Variants in CAMKMT observed in about 807,000 individuals in gnomAD.
CAMKMT encodes CaM KMT.
Under a neutral mutation model 48.0 loss-of-function variants are expected in CAMKMT, and 53 were observed. The ratio of observed to expected loss-of-function variants is 1.10; its 90% CI spans 0.89 to 1.39. The LOEUF is 1.39. Ranked by LOEUF, CAMKMT falls within the 40% of genes most tolerant of loss-of-function variation. The pLI, the probability that CAMKMT is intolerant of heterozygous loss-of-function variation, is 0.00. For missense variants in CAMKMT, 428 were observed against 402.7 expected, an observed-to-expected ratio of 1.06 and a Z score of -0.54; for synonymous variants, 165 against 152.3, an observed-to-expected ratio of 1.08 and a Z score of -0.61.
At chr2:44,610,142 A>T (rs2103892205) in intron 3 of CAMKMT, among the ~76,000 whole-genome samples, 1 of 152,320 alleles carries the variant, frequency 6.6e-6, no homozygotes, top group South Asian at 2.1e-4. Context: ...AAATGTGTTC[A>T]TTGAGAAGAG....
chr2:44,698,626 G>T (rs954476348), intron 3 of CAMKMT, among the ~76,000 whole-genome samples: 2 of 152,160 alleles, frequency 1.3e-5, no homozygotes, highest in African/African-American at 2.4e-5. Flanking sequence ...TCATCTTTTT[G>T]CTGGCAGAGG....
intron 3 of CAMKMT, among the ~76,000 whole-genome samples, chr2:44,686,006 A>C (rs776581359): frequency 1.3e-5 from 2 of 152,172 alleles, no homozygotes; most frequent in African/African-American, 2.4e-5. Flanking sequence ...AAGGCAATAT[A>C]TGATAGATGA....
chr2:44,485,404 A>G (rs1356136724), intron 3 of CAMKMT, among the ~76,000 whole-genome samples: 2 of 152,248 alleles, frequency 1.3e-5, no homozygotes, highest in Admixed American at 6.5e-5. Flanking sequence ...ATGCTGTACA[A>G]ATCTCACAAA....
intron 3 of CAMKMT, chr2:44,631,544 T>A (rs1231591430): frequency 3.3e-6 from 2 of 608,216 alleles, no homozygotes; most frequent in Non-Finnish European, 5.9e-6. Flanking sequence ...ACTCAAGCAA[T>A]CCTTCTGCCT....
chr2:44,649,834 C>T (rs1376886287), intron 3 of CAMKMT, among the ~76,000 whole-genome samples: 3 of 152,154 alleles, frequency 2.0e-5, no homozygotes, highest in Non-Finnish European at 4.4e-5. Flanking sequence ...AAGGCCTTCT[C>T]CCTGTGAAGC....
intron 3 of CAMKMT, among the ~76,000 whole-genome samples, chr2:44,568,066 G>A (rs1261018784): frequency 6.6e-6 from 1 of 151,920 alleles, no homozygotes; most frequent in Non-Finnish European, 1.5e-5. Context: ...CCAGGGTGGG[G>A]GTGGGTGATC....
intron 2 of CAMKMT, among the ~76,000 whole-genome samples, chr2:44,386,445 A>G (rs1453656546): frequency 1.3e-5 from 2 of 151,992 alleles, no homozygotes; most frequent in African/African-American, 4.8e-5. Flanking sequence ...AATTTTATTT[A>G]TCTTTTCAAA....
intron 7 of CAMKMT, among the ~76,000 whole-genome samples, chr2:44,725,143 C>CGTGTGT (rs4039394): frequency 0.13 from 18,425 of 140,504 alleles, 1,403 homozygotes; most frequent in African/African-American, 0.18. Context: ...GCTTTCTGGA[C>CGTGTGT]GTGTGTGTGT....
chr2:44,487,266 C>G (rs1248068081), intron 3 of CAMKMT, among the ~76,000 whole-genome samples: 1 of 149,230 alleles, frequency 6.7e-6, no homozygotes, highest in East Asian at 2.0e-4. Context: ...TTTTTTTTTT[C>G]TGATAACATA....
At chr2:44,471,601 G>A (rs572797109) in intron 3 of CAMKMT, among the ~76,000 whole-genome samples, 6 of 151,806 alleles carry the variant, frequency 4.0e-5, no homozygotes, top group African/African-American at 1.4e-4. Flanking sequence ...CCCTGTCTCA[G>A]AAAAAAAATT....
At chr2:44,566,509 A>G (rs1270542630) in intron 3 of CAMKMT, among the ~76,000 whole-genome samples, 1 of 152,148 alleles carries the variant, frequency 6.6e-6, no homozygotes, top group Non-Finnish European at 1.5e-5. Flanking sequence ...TATGTGAACT[A>G]TTGTTTGACT....
intron 3 of CAMKMT, among the ~76,000 whole-genome samples, chr2:44,525,117 A>G (rs1187509887): frequency 6.6e-6 from 1 of 152,212 alleles, no homozygotes; most frequent in East Asian, 1.9e-4. Context: ...GAAATTTTTC[A>G]GGCATTTATA....
intron 3 of CAMKMT, among the ~76,000 whole-genome samples, chr2:44,619,859 A>T (rs1218288336): frequency 6.6e-6 from 1 of 152,224 alleles, no homozygotes; most frequent in Admixed American, 6.6e-5. Flanking sequence ...ATATTTCAAC[A>T]TTAGACTCAT....
chr2:44,766,713 G>A (rs1427045756), intron 10 of CAMKMT, 152 bp downstream of exon 10: 1 of 810,104 alleles, frequency 1.2e-6, no homozygotes, highest in Admixed American at 3.1e-5. Flanking sequence ...TATTTTGTGT[G>A]GTAAAGCCAT....
intron 3 of CAMKMT, among the ~76,000 whole-genome samples, chr2:44,497,007 G>T (rs745675911): frequency 6.6e-5 from 10 of 152,068 alleles, no homozygotes; most frequent in Non-Finnish European, 1.3e-4. Context: ...GACATTTAGG[G>T]GTTTTTAAAT....
intron 3 of CAMKMT, among the ~76,000 whole-genome samples, chr2:44,691,764 G>T (rs12478807): frequency 6.6e-6 from 1 of 152,030 alleles, no homozygotes; most frequent in Non-Finnish European, 1.5e-5. Context: ...GCATGACTGG[G>T]GAGAAGGTTT....
chr2:44,731,166 C>T lies in CAMKMT; in HGVS notation c.624-12456C>T, dbSNP rs1679059465. ...GACCAGCCTGGCCAACATGGCGAAA[C>T]CCCGTCTCTACTATAAGTACAAAAA... On this transcript the variant is annotated intron_variant, in intron 7 of 10. Transcript: ENST00000378494. 2.6e-5 allele frequency among the ~76,000 whole-genome samples: 4 copies of T among 152,272 alleles called. No homozygotes were observed. In the South Asian group the frequency reaches 6.2e-4, roughly 24 times the overall value.
At chr2:44,753,897 C>T (rs1306501088) in intron 8 of CAMKMT, among the ~76,000 whole-genome samples, 158 bp from the exon 9 acceptor site, 1 of 152,230 alleles carries the variant, frequency 6.6e-6, no homozygotes, top group Non-Finnish European at 1.5e-5. Context: ...ATCTTCTCCC[C>T]TCCCACCCCC....
At position 44,474,916 on chromosome 2, in the gene CAMKMT, G is replaced by A. The variant is rs148403036; in HGVS notation, c.376+84611G>A. Among the ~76,000 whole-genome samples, 212 of 152,278 alleles carry A rather than the reference G, an allele frequency of 1.4e-3. 2 individuals are homozygous for A. Among genetic ancestry groups the A allele is most frequent in the African/African-American group, 4.7e-3 (196 of 41,540 alleles). The stretch of plus-strand genomic sequence containing the variant: ...TATTCAGTGCCTGGTATGTAGAACT[G>A]AGTAATATTTATGACATTCATCGTG... On this transcript the variant is annotated intron_variant, in intron 3 of 10. Coordinates refer to ENST00000378494, the MANE Select transcript of CAMKMT (RefSeq NM_024766.5).
Sources: allele counts gnomAD v4.1 joint callset (sites outside exome capture counted in the v4.1 genomes callset), GRCh38; gene constraint gnomAD v4.1.1; transcripts MANE v1.5; gene names NCBI Gene and HGNC (gene_info 2026-07-23, HGNC 2026-07-21).